Variants in OLFM2 observed in about 807,000 individuals in gnomAD.
OLFM2 encodes the protein noelin-2.
A neutral mutation model predicts 43.9 loss-of-function variants in OLFM2; 20 were observed. That is an observed-to-expected ratio of 0.46 (90% CI 0.32 to 0.66). OLFM2 has a LOEUF of 0.66. Among genes scored for constraint, OLFM2 ranks in the 30% least tolerant of loss-of-function variants. The pLI is 0.04. For synonymous variants in OLFM2, 268 were observed against 278.6 expected (o/e 0.96, Z 0.38); for missense variants, 416 against 643.6 (o/e 0.65, Z 3.83).
At chr19:9,921,588 A>T (rs544164753) in intron 1 of OLFM2, among the ~76,000 whole-genome samples, 1 of 151,712 alleles carries the variant, frequency 6.6e-6, no homozygotes, top group East Asian at 2.0e-4. Flanking sequence ...TCCCGGGCTC[A>T]TGCCATTCTC....
intron 1 of OLFM2, among the ~76,000 whole-genome samples, chr19:9,896,234 G>A (rs1230097155): frequency 6.6e-6 from 1 of 150,998 alleles, no homozygotes; most frequent in Admixed American, 6.6e-5. Flanking sequence ...CCGAGTAGCT[G>A]GGACTACAGG....
At chr19:9,905,092 C>T (rs1033503044) in intron 1 of OLFM2, among the ~76,000 whole-genome samples, 20 of 151,828 alleles carry the variant, frequency 1.3e-4, no homozygotes, top group African/African-American at 4.8e-4. Context: ...GAGGCCAAGG[C>T]GGGTGGACTG....
chr19:9,929,544 C>A (rs565988604), intron 1 of OLFM2, among the ~76,000 whole-genome samples: 7 of 151,000 alleles, frequency 4.6e-5, no homozygotes, highest in Non-Finnish European at 7.4e-5. Context: ...TGCAGTGAGC[C>A]GAGATTGCAC....
At chr19:9,879,527 C>T (rs1052765338) in intron 1 of OLFM2, among the ~76,000 whole-genome samples, 1 of 152,134 alleles carries the variant, frequency 6.6e-6, no homozygotes, top group African/African-American at 2.4e-5. Context: ...CTTTCACCCC[C>T]TGCCATGAAT....
chr19:9,897,017 C>T (rs754981848), intron 1 of OLFM2, among the ~76,000 whole-genome samples: 101 of 152,158 alleles, frequency 6.6e-4, no homozygotes, highest in African/African-American at 1.8e-3. Flanking sequence ...CATAGCGAGA[C>T]CCTGTCTCTA....
intron 1 of OLFM2, among the ~76,000 whole-genome samples, chr19:9,880,838 A>G (rs10426341): frequency 0.94 from 143,414 of 152,178 alleles, 68,049 homozygotes; most frequent in Non-Finnish European, 1. Flanking sequence ...ACAAACACAC[A>G]TTTCTGCAGC....
At chr19:9,868,250 C>T (rs1357157275) in intron 1 of OLFM2, among the ~76,000 whole-genome samples, 3 of 152,038 alleles carry the variant, frequency 2.0e-5, no homozygotes, top group Admixed American at 6.6e-5. Flanking sequence ...TTTGTAGAGA[C>T]GAGGTTTCAC....
At chr19:9,874,889 C>G (rs2046472333) in intron 1 of OLFM2, among the ~76,000 whole-genome samples, 1 of 152,334 alleles carries the variant, frequency 6.6e-6, no homozygotes, top group African/African-American at 2.4e-5. Flanking sequence ...GCTGGGATTA[C>G]AGGCATGAGA....
chr19:9,859,177 C>A (rs2046347379), intron 2 of OLFM2, among the ~76,000 whole-genome samples: 1 of 152,248 alleles, frequency 6.6e-6, no homozygotes, highest in Non-Finnish European at 1.5e-5. Flanking sequence ...GCCTAATACC[C>A]ACCCTGAACG....
intron 1 of OLFM2, among the ~76,000 whole-genome samples, chr19:9,868,285 C>T (rs2046417847): frequency 6.6e-6 from 1 of 152,092 alleles, no homozygotes; most frequent in South Asian, 2.1e-4. Context: ...TGGTCTTGAA[C>T]TCCTGACCTC....
At chr19:9,925,562 C>A (rs1392829337) in intron 1 of OLFM2, among the ~76,000 whole-genome samples, 1 of 151,846 alleles carries the variant, frequency 6.6e-6, no homozygotes, top group African/African-American at 2.4e-5. Context: ...AATCCTCCCA[C>A]CTCAGCCTCC....
At chr19:9,929,683 C>T (rs1484742310) in intron 1 of OLFM2, among the ~76,000 whole-genome samples, 1 of 152,090 alleles carries the variant, frequency 6.6e-6, no homozygotes, top group Non-Finnish European at 1.5e-5. Context: ...CTCTCAGGCA[C>T]TAACACTGAA....
intron 1 of OLFM2, among the ~76,000 whole-genome samples, chr19:9,905,438 C>CA (rs1323348920): frequency 4.6e-5 from 7 of 151,892 alleles, no homozygotes; most frequent in Non-Finnish European, 1.0e-4. Context: ...GCCTGGGCAA[C>CA]AGAGCGAGAC....
rs762715071 is a variant in OLFM2 at position 9,854,519 on chromosome 19, G to A, written c.1032C>T (p.Asn344=). The A allele has an allele frequency of 6.2e-7, 1 of 1,613,864 alleles. No individual in the cohort carries two copies. Among genetic ancestry groups the A allele is most frequent in the East Asian group, 2.2e-5 (1 of 44,880 alleles). ...GCGGGTCCAGCCGGCTGACCACGAT[G>A]TTGCCCGCGTTCTGGTTGGTGGTGT... is the stretch of plus-strand genomic sequence containing the variant. The part of the protein sequence containing the change: ...AVYTTNQNAG[N]IVVSRLDPHT... Residue 344 remains asparagine, a synonymous_variant, in exon 6 of 6, where the codon AAC becomes AAT. Coordinates refer to ENST00000264833, the MANE Select transcript of OLFM2 (RefSeq NM_058164.4). The surrounding 1 kb of genome is among the most constrained non-coding windows in gnomAD (Gnocchi z 9.5).
chr19:9,891,829 G>A (rs2046642646), intron 1 of OLFM2, among the ~76,000 whole-genome samples: 1 of 152,164 alleles, frequency 6.6e-6, no homozygotes, highest in Non-Finnish European at 1.5e-5. Context: ...GTGAGACTGA[G>A]GTGTGGCACG....
intron 1 of OLFM2, among the ~76,000 whole-genome samples, chr19:9,921,069 T>C (rs6511267): frequency 0.17 from 25,374 of 152,104 alleles, 6,181 homozygotes; most frequent in African/African-American, 0.54. Flanking sequence ...TCAGAATACC[T>C]ATATGCAACA....
chr19:9,904,326 G>T (rs1031718676), intron 1 of OLFM2, among the ~76,000 whole-genome samples: 1 of 151,974 alleles, frequency 6.6e-6, no homozygotes, highest in African/African-American at 2.4e-5. Flanking sequence ...ACGTAGCTGG[G>T]ATTATAGGCA....
intron 1 of OLFM2, among the ~76,000 whole-genome samples, chr19:9,878,381 CTTTTTTTTTTT>C (rs34231833): frequency 6.9e-5 from 4 of 57,640 alleles, no homozygotes; most frequent in Non-Finnish European, 9.9e-5. Context: ...TCATTTCTCT[CTTTTTTTTTTT>C]TTTTTTTTTT....
At chr19:9,902,791 G>A (rs544126335) in intron 1 of OLFM2, among the ~76,000 whole-genome samples, 23 of 151,970 alleles carry the variant, frequency 1.5e-4, no homozygotes, top group African/African-American at 4.3e-4. Flanking sequence ...CTGGAGCCTC[G>A]ACTTCCTGAG....
Sources: allele counts gnomAD v4.1 joint callset (sites outside exome capture counted in the v4.1 genomes callset), GRCh38; gene constraint gnomAD v4.1.1; non-coding constraint Gnocchi (gnomAD v3.1); transcripts MANE v1.5; gene names NCBI Gene and HGNC (gene_info 2026-07-23, HGNC 2026-07-21).